Variants in TBC1D19 observed in about 807,000 individuals in gnomAD.
TBC1D19 encodes the protein TBC1 domain family member 19.
Under a neutral mutation model 89.0 loss-of-function variants are expected in TBC1D19, and 60 were observed. The ratio of observed to expected loss-of-function variants is 0.67; its 90% CI spans 0.55 to 0.84. The LOEUF (loss-of-function observed/expected upper bound fraction) is 0.84. Ranked by LOEUF, TBC1D19 falls within the 40% of genes least tolerant of loss-of-function variation. The probability of loss-of-function intolerance (pLI) is 0.00; values close to 1 mark genes in which losing one functional copy is unlikely to be tolerated. For missense variants in TBC1D19, 500 were observed against 610.8 expected (o/e 0.82, Z 1.91); for synonymous variants, 189 against 199.7 (o/e 0.95, Z 0.45).
chr4:26,603,442 A>G (rs1320069238), intron 1 of TBC1D19, among the ~76,000 whole-genome samples: 2 of 152,338 alleles, frequency 1.3e-5, no homozygotes, highest in East Asian at 3.9e-4. Context: ...CTACATCAAA[A>G]CTAATCTTTA....
downstream of TBC1D19, among the ~76,000 whole-genome samples, chr4:26,756,888 G>T (rs1411324633): frequency 6.6e-6 from 1 of 152,182 alleles, no homozygotes; most frequent in African/African-American, 2.4e-5. Context: ...ATCTGAATCT[G>T]AATCCCAAAG....
chr4:26,753,803 T>C lies in TBC1D19; in HGVS notation c.1436-17T>C. ...ATGAGTAGGCCAGCAGTTGAAGTAG[T>C]GTGCATTCTTTTCCAGTGCTGGCAG... On this transcript the variant is annotated splice_polypyrimidine_tract_variant and intron_variant, in intron 19 of 20. Transcript: ENST00000264866. 6.2e-7 allele frequency: 1 copy of C among 1,613,704 alleles called. No individual in the cohort carries two copies. Among genetic ancestry groups the C allele is most frequent in the Admixed American group, 1.7e-5 (1 of 59,998 alleles).
chr4:26,638,234 T>C (rs570886094), intron 5 of TBC1D19, among the ~76,000 whole-genome samples: 1 of 151,914 alleles, frequency 6.6e-6, no homozygotes, highest in African/African-American at 2.4e-5. Flanking sequence ...TATTCCCTGT[T>C]GTTGGACAGG....
chr4:26,702,063 C>A (rs1471614198), intron 13 of TBC1D19, among the ~76,000 whole-genome samples: 1 of 152,056 alleles, frequency 6.6e-6, no homozygotes, highest in Admixed American at 6.6e-5. Context: ...TAAAAAGGGG[C>A]TTGACAGGTA....
chr4:26,827,724 T>TC, the TBC1D19 span, among the ~76,000 whole-genome samples: 1 of 151,552 alleles, frequency 6.6e-6, no homozygotes, highest in Non-Finnish European at 1.5e-5. Flanking sequence ...TTTGTTTTTT[T>TC]TTTTTTGATA....
intron 1 of TBC1D19, among the ~76,000 whole-genome samples, chr4:26,596,317 G>T (rs930344215): frequency 2.0e-5 from 3 of 152,114 alleles, no homozygotes; most frequent in Admixed American, 2.0e-4. Context: ...TCTGTTGTCT[G>T]TTCTGATAGG....
intron 13 of TBC1D19, among the ~76,000 whole-genome samples, chr4:26,702,638 C>T (rs1165333786): frequency 1.3e-5 from 2 of 152,116 alleles, no homozygotes; most frequent in African/African-American, 4.8e-5. Context: ...TTTTTTCAGT[C>T]ATAGGTCTCA....
chr4:26,716,596 A>G (rs1202044561), intron 13 of TBC1D19, among the ~76,000 whole-genome samples: 1 of 152,162 alleles, frequency 6.6e-6, no homozygotes, highest in Non-Finnish European at 1.5e-5. Flanking sequence ...GTTCTTTCAT[A>G]CAGTGGAATA....
the TBC1D19 span, among the ~76,000 whole-genome samples, chr4:26,830,204 C>T: frequency 6.6e-6 from 1 of 152,196 alleles, no homozygotes; most frequent in African/African-American, 2.4e-5. Context: ...AAATTACCCC[C>T]CCTTTTTGCC....
chr4:26,673,913 A>G (rs1333738145), intron 11 of TBC1D19, 25 bp downstream of exon 11: 3 of 1,399,852 alleles, frequency 2.1e-6, no homozygotes, highest in African/African-American at 1.4e-5. Flanking sequence ...AGGGTGGGTC[A>G]GATTTTAGCT....
intron 6 of TBC1D19, among the ~76,000 whole-genome samples, chr4:26,639,467 A>C (rs1489711390): frequency 2.0e-5 from 3 of 152,174 alleles, no homozygotes; most frequent in African/African-American, 7.2e-5. Flanking sequence ...ATATTGTGCA[A>C]GCTTAATTAT....
intron 19 of TBC1D19, among the ~76,000 whole-genome samples, chr4:26,753,039 TC>T (rs1470714078): frequency 6.6e-6 from 1 of 152,198 alleles, no homozygotes; most frequent in East Asian, 1.9e-4. Flanking sequence ...AAGTTTCACT[TC>T]TTTTTTCCTG....
At chr4:26,644,008 G>A (rs551708636) in intron 7 of TBC1D19, among the ~76,000 whole-genome samples, 13 of 152,098 alleles carry the variant, frequency 8.5e-5, no homozygotes, top group African/African-American at 3.1e-4. Context: ...AAGAGGAGCT[G>A]GTACCATTCC....
intron 4 of TBC1D19, among the ~76,000 whole-genome samples, chr4:26,625,386 G>C (rs962376203): frequency 2.6e-5 from 4 of 152,166 alleles, no homozygotes; most frequent in Admixed American, 6.6e-5. Flanking sequence ...TATTTTAGAA[G>C]AGTTTTGCGA....
intron 1 of TBC1D19, among the ~76,000 whole-genome samples, chr4:26,591,772 C>T (rs919865738): frequency 2.0e-5 from 3 of 152,202 alleles, no homozygotes; most frequent in Non-Finnish European, 2.9e-5. Flanking sequence ...CATACACTCT[C>T]CCAAGACTAA....
intron 13 of TBC1D19, among the ~76,000 whole-genome samples, chr4:26,711,487 T>C (rs1373261712): frequency 6.6e-6 from 1 of 152,116 alleles, no homozygotes; most frequent in African/African-American, 2.4e-5. Context: ...AAAAATAATT[T>C]ATTTCTCAGA....
At chr4:26,714,223 A>G (rs1193952907) in intron 13 of TBC1D19, among the ~76,000 whole-genome samples, 1 of 152,022 alleles carries the variant, frequency 6.6e-6, no homozygotes, top group Non-Finnish European at 1.5e-5. Context: ...GTATATACTG[A>G]TATGAAAAGA....
rs114474450 is a variant in TBC1D19, at chr4:26,636,315, T to C, written c.295-896T>C. Among the ~76,000 whole-genome samples, 560 of 152,008 alleles carry C rather than the reference T, an allele frequency of 3.7e-3. 2 individuals are homozygous for C. Among genetic ancestry groups the C allele is most frequent in the Non-Finnish European group, 6.8e-3 (463 of 67,912 alleles). ...TTGAAAAGAATATTATATTAAAATA[T>C]GGTATTTATGGATGATCAAACCTAG... On this transcript the variant is annotated intron_variant, in intron 4 of 20. Coordinates refer to ENST00000264866, the MANE Select transcript of TBC1D19 (RefSeq NM_018317.4).
At chr4:26,762,020 C>T in the TBC1D19 span, among the ~76,000 whole-genome samples, 2 of 152,130 alleles carry the variant, frequency 1.3e-5, no homozygotes, top group Non-Finnish European at 2.9e-5. Flanking sequence ...CCTGTAATCC[C>T]AGCTACTTGG....
Sources: allele counts gnomAD v4.1 joint callset (sites outside exome capture counted in the v4.1 genomes callset), GRCh38; gene constraint gnomAD v4.1.1; transcripts MANE v1.5; gene names NCBI Gene and HGNC (gene_info 2026-07-23, HGNC 2026-07-21).